The following PDE8A variants were observed in gnomAD, a reference collection of about 807,000 sequenced individuals.
PDE8A encodes high affinity cAMP-specific and IBMX-insensitive 3',5'-cyclic phosphodiesterase 8A.
A neutral mutation model predicts 105.0 loss-of-function variants in PDE8A; 59 were observed. That is an observed-to-expected ratio of 0.56 (90% confidence interval 0.46 to 0.70). The LOEUF is 0.70. Ranked by LOEUF, PDE8A falls within the 30% of genes least tolerant of loss-of-function variation. The pLI is 0.00. For missense variants in PDE8A, 1,014 were observed against 1,045.9 expected (o/e 0.97, Z 0.42); for synonymous variants, 355 against 371.9 (o/e 0.95, Z 0.52).
intron 1 of PDE8A, among the ~76,000 whole-genome samples, chr15:85,026,844 A>G (rs532550170): frequency 6.6e-6 from 1 of 152,328 alleles, no homozygotes; most frequent in South Asian, 2.1e-4. Flanking sequence ...AGAGTGCCTC[A>G]TGTAGTCAAA....
At chr15:85,035,325 C>T (rs1189619162) in intron 1 of PDE8A, among the ~76,000 whole-genome samples, 1 of 150,708 alleles carries the variant, frequency 6.6e-6, no homozygotes, top group Admixed American at 6.6e-5. Flanking sequence ...TCTCCTGCCT[C>T]AGCCTCCCAA....
intron 3 of PDE8A, among the ~76,000 whole-genome samples, chr15:85,067,598 A>G (rs1199706763): frequency 2.0e-5 from 3 of 152,298 alleles, no homozygotes; most frequent in East Asian, 1.9e-4. Context: ...CACCTTGTCA[A>G]TATTATGAGA....
chr15:84,980,645 C>A (rs1402220034), upstream of PDE8A: 1 of 152,388 alleles, frequency 6.6e-6, no homozygotes, highest in African/African-American at 2.4e-5. Context: ...CCAGAGACAC[C>A]GCCCTCCAGC....
rs757821815 is a variant in PDE8A, at chr15:85,117,789, G to A, written c.1684G>A (p.Ala562Thr). 1 of 1,614,028 alleles carries A rather than the reference G, an allele frequency of 6.2e-7. No individual in the cohort carries two copies. The highest frequency in any genetic ancestry group is 1.1e-5 in the South Asian group (1 of 91,082). Residue 562 changes from alanine (A) to threonine (T), a missense_variant, in exon 17 of 22, where the codon GCT becomes ACT. Coordinates refer to ENST00000394553, the MANE Select transcript of PDE8A (RefSeq NM_002605.3). ...SNPYHNSTHS[A>T]DVLHATAYFL... is the part of the protein sequence containing the mutation. Reference sequence around the variant, plus strand: ...TCCCTACCACAATTCTACACATTCTGCTGATGTGCTTCATGCCACTGCCTA... The same window carrying A: ...TCCCTACCACAATTCTACACATTCTACTGATGTGCTTCATGCCACTGCCTA...
chr15:85,069,198 A>G (rs1421102267), intron 3 of PDE8A, among the ~76,000 whole-genome samples: 1 of 152,202 alleles, frequency 6.6e-6, no homozygotes, highest in Non-Finnish European at 1.5e-5. Context: ...CGTCATGTAA[A>G]TAACAATTTT....
At chr15:85,012,037 G>A (rs1219690634) in intron 1 of PDE8A, among the ~76,000 whole-genome samples, 1 of 152,216 alleles carries the variant, frequency 6.6e-6, no homozygotes, top group African/African-American at 2.4e-5. Flanking sequence ...TCATTAAAAA[G>A]TCAGGAAACA....
At chr15:84,994,104 T>C (rs1212513851) in intron 1 of PDE8A, among the ~76,000 whole-genome samples, 1 of 152,140 alleles carries the variant, frequency 6.6e-6, no homozygotes, top group Non-Finnish European at 1.5e-5. Context: ...TCTGGGAGGA[T>C]TTTTTAGCTC....
intron 8 of PDE8A, among the ~76,000 whole-genome samples, chr15:85,094,316 T>A (rs1352082865): frequency 1.3e-5 from 2 of 152,236 alleles, no homozygotes; most frequent in African/African-American, 4.8e-5. Context: ...AACTTTTACC[T>A]TCATTAGCTC....
At chr15:85,099,950 A>G in intron 9 of PDE8A, 65 bp from the exon 10 acceptor site, 1 of 1,349,390 alleles carries the variant, frequency 7.4e-7, no homozygotes, top group African/African-American at 1.5e-5. Flanking sequence ...GTAATGAAAA[A>G]TTAACGACAT....
intron 9 of PDE8A, 131 bp downstream of exon 9, chr15:85,098,167 C>A: frequency 1.5e-6 from 1 of 666,390 alleles, no homozygotes; most frequent in East Asian, 2.8e-5. Flanking sequence ...AATGGCCTTC[C>A]AGCATAGTGT....
At chr15:85,012,663 C>T (rs1448951439) in intron 1 of PDE8A, among the ~76,000 whole-genome samples, 1 of 150,842 alleles carries the variant, frequency 6.6e-6, no homozygotes, top group African/African-American at 2.4e-5. Flanking sequence ...CTAACCTGCA[C>T]ATTGTGCACA....
intron 1 of PDE8A, among the ~76,000 whole-genome samples, chr15:85,016,404 A>C (rs927878442): frequency 3.3e-5 from 5 of 151,960 alleles, no homozygotes; most frequent in African/African-American, 1.2e-4. Flanking sequence ...CCATATGGCT[A>C]TGGAATTATT....
intron 9 of PDE8A, among the ~76,000 whole-genome samples, chr15:85,098,516 TCAGA>T (rs1323061924): frequency 2.6e-5 from 4 of 152,194 alleles, no homozygotes; most frequent in Admixed American, 6.5e-5. Flanking sequence ...CCTAAAACTT[TCAGA>T]CAGTTTATCT....
At chr15:85,061,510 G>A (rs1389095606) in intron 1 of PDE8A, among the ~76,000 whole-genome samples, 2 of 152,166 alleles carry the variant, frequency 1.3e-5, no homozygotes, top group Admixed American at 6.5e-5. Context: ...AAAGTGCTGG[G>A]ATTACAGGCG....
chr15:85,036,751 G>A (rs1407537822), intron 1 of PDE8A, among the ~76,000 whole-genome samples: 1 of 152,118 alleles, frequency 6.6e-6, no homozygotes, highest in Non-Finnish European at 1.5e-5. Context: ...AGTTGCAGCA[G>A]GAGGGACACA....
chr15:85,072,988 C>T (rs1204302040), intron 3 of PDE8A, among the ~76,000 whole-genome samples: 1 of 152,090 alleles, frequency 6.6e-6, no homozygotes, highest in Non-Finnish European at 1.5e-5. Context: ...TTGGCACTTG[C>T]CTGTAGTCCC....
At chr15:85,036,747 A>C (rs2080713062) in intron 1 of PDE8A, among the ~76,000 whole-genome samples, 1 of 152,184 alleles carries the variant, frequency 6.6e-6, no homozygotes, top group African/African-American at 2.4e-5. Flanking sequence ...AGGAAGTTGC[A>C]GCAGGAGGGA....
intron 1 of PDE8A, among the ~76,000 whole-genome samples, chr15:85,056,835 G>A (rs556016163): frequency 2.6e-5 from 4 of 152,304 alleles, no homozygotes; most frequent in African/African-American, 4.8e-5. Flanking sequence ...GTCATTCTCC[G>A]TCCAGCTTTG....
At chr15:85,084,757 A>G (rs1368809860) in intron 6 of PDE8A, among the ~76,000 whole-genome samples, 1 of 152,214 alleles carries the variant, frequency 6.6e-6, no homozygotes, top group Non-Finnish European at 1.5e-5. Flanking sequence ...TCGAAACTGC[A>G]TTCATTCTTT....
Sources: gnomAD v4.1 joint callset for allele counts (sites outside exome capture counted in the v4.1 genomes callset) on GRCh38, gnomAD v4.1.1 for gene constraint, MANE v1.5 for transcripts, NCBI Gene and HGNC (gene_info 2026-07-23, HGNC 2026-07-21) for gene names.